PCGF6: variants seen among roughly 807,000 people sequenced by gnomAD.
The protein encoded by PCGF6 is polycomb group RING finger protein 6.
Under a neutral mutation model 45.5 loss-of-function variants are expected in PCGF6, and 24 were observed. The observed-to-expected ratio is 0.53, with a 90% confidence interval of 0.38 to 0.74. The LOEUF (loss-of-function observed/expected upper bound fraction) is 0.74. Among genes scored for constraint, PCGF6 ranks in the 30% least tolerant of loss-of-function variants. The pLI, the probability that PCGF6 is intolerant of heterozygous loss-of-function variation, is 0.00. For missense variants in PCGF6, 356 were observed against 443.2 expected, an observed-to-expected ratio of 0.80 and a Z score of 1.77; for synonymous variants, 152 against 162.1, an observed-to-expected ratio of 0.94 and a Z score of 0.47.
intron 9 of PCGF6, among the ~76,000 whole-genome samples, chr10:103,313,904 T>A (rs2093165887): frequency 6.6e-6 from 1 of 152,218 alleles, no homozygotes; most frequent in Non-Finnish European, 1.5e-5. Flanking sequence ...TAGGAAGTTA[T>A]ATGTCCTTAC....
chr10:103,307,212 GT>G (rs1210527140), intron 9 of PCGF6, among the ~76,000 whole-genome samples: 1 of 152,192 alleles, frequency 6.6e-6, no homozygotes, highest in Non-Finnish European at 1.5e-5. Context: ...AAAGGCTGAG[GT>G]TGGAGTATCA....
At chr10:103,318,092 G>A (rs1004235219) in intron 8 of PCGF6, among the ~76,000 whole-genome samples, 4 of 151,240 alleles carry the variant, frequency 2.6e-5, no homozygotes, top group African/African-American at 7.3e-5. Flanking sequence ...GATGTGTATG[G>A]TCCTAGAACA....
intron 9 of PCGF6, 96 bp from the exon 10 acceptor site, chr10:103,304,057 A>C: frequency 1.1e-6 from 1 of 908,676 alleles, no homozygotes; most frequent in Admixed American, 2.3e-5. Flanking sequence ...TTAATAATCT[A>C]ACACTAAGGT....
intron 8 of PCGF6, among the ~76,000 whole-genome samples, chr10:103,318,035 G>A (rs1486671377): frequency 6.6e-6 from 1 of 151,652 alleles, no homozygotes; most frequent in Non-Finnish European, 1.5e-5. Flanking sequence ...GGGATTACAG[G>A]CATGAGCCAC....
At chr10:103,327,193 G>A (rs1363095218) in intron 7 of PCGF6, among the ~76,000 whole-genome samples, 4 of 152,116 alleles carry the variant, frequency 2.6e-5, no homozygotes, top group Non-Finnish European at 5.9e-5. Flanking sequence ...GCTGAGGCAG[G>A]AGAATCGCTT....
intron 7 of PCGF6, 90 bp from the exon 8 acceptor site, chr10:103,326,722 TAAAGAA>T (rs2093220387): frequency 5.9e-6 from 5 of 853,204 alleles, no homozygotes; most frequent in Non-Finnish European, 8.5e-6. Context: ...GTGTAAACAT[TAAAGAA>T]AATTTTATAG....
intron 3 of PCGF6, chr10:103,348,477 C>T (rs1434071547): frequency 2.1e-5 from 6 of 286,548 alleles, no homozygotes; most frequent in Non-Finnish European, 6.5e-6. Flanking sequence ...GCTGGGATTA[C>T]AGGCATGTGC....
rs889603867 is a variant in PCGF6 at position 103,345,032 on chromosome 10, C to T, written c.774G>A (p.Glu258=). 4 of 1,594,108 alleles carry T rather than the reference C, an allele frequency of 2.5e-6. No homozygotes were observed. In the African/African-American group the frequency reaches 5.4e-5, roughly 21 times the overall value. ...ATTTTTAGGGTACTCACCCAATGAA[C>T]TCCAGTAATAAAGACATATCAAGTT... ...PPELDMSLLL[E]FIGANEGTGH... Residue 258 remains glutamate, a synonymous_variant, in exon 6 of 10, where the codon GAG becomes GAA. Transcript: ENST00000369847.
intron 9 of PCGF6, among the ~76,000 whole-genome samples, chr10:103,311,413 A>T (rs1366385196): frequency 6.7e-6 from 1 of 149,264 alleles, no homozygotes; most frequent in Non-Finnish European, 1.5e-5. Context: ...AAGTGCTGGG[A>T]TTACAGGTGT....
intron 5 of PCGF6, 24 bp downstream of exon 5, chr10:103,347,214 A>C: frequency 6.5e-7 from 1 of 1,544,612 alleles, no homozygotes; most frequent in East Asian, 2.3e-5. Flanking sequence ...CTGTAAGTAC[A>C]TTATAGTATA....
chr10:103,304,282 A>AC (rs943780173), intron 9 of PCGF6, among the ~76,000 whole-genome samples: 1 of 151,420 alleles, frequency 6.6e-6, no homozygotes, highest in Admixed American at 6.6e-5. Context: ...GATTACAGGC[A>AC]CCCGCCACCA....
intron 3 of PCGF6, among the ~76,000 whole-genome samples, chr10:103,347,848 G>A (rs1363535896): frequency 1.3e-5 from 2 of 152,098 alleles, no homozygotes; most frequent in East Asian, 1.9e-4. Context: ...GTGACACCAC[G>A]CCTGGTTAAT....
At chr10:103,346,196 T>TAAA (rs929742522) in intron 5 of PCGF6, among the ~76,000 whole-genome samples, 1 of 128,042 alleles carries the variant, frequency 7.8e-6, no homozygotes. Flanking sequence ...CCATCTCATT[T>TAAA]AAAAAAAAAA....
intron 1 of PCGF6, among the ~76,000 whole-genome samples, chr10:103,349,303 C>T (rs372526847): frequency 6.6e-6 from 1 of 152,018 alleles, no homozygotes. Flanking sequence ...CCGCCAAGGC[C>T]TCCCAAAGTG....
intron 7 of PCGF6, among the ~76,000 whole-genome samples, chr10:103,333,493 C>T (rs552202570): frequency 6.6e-6 from 1 of 152,142 alleles, no homozygotes; most frequent in Non-Finnish European, 1.5e-5. Context: ...ATTTCGGAAT[C>T]TTTAAATCAA....
chr10:103,333,775 A>G, intron 7 of PCGF6, 150 bp downstream of exon 7: 1 of 565,534 alleles, frequency 1.8e-6, no homozygotes, highest in Admixed American at 4.1e-5. Flanking sequence ...TCCCTACTTA[A>G]TAACTTTTAT....
At chr10:103,334,228 A>T (rs980516558) in intron 6 of PCGF6, among the ~76,000 whole-genome samples, 3 of 152,112 alleles carry the variant, frequency 2.0e-5, no homozygotes, top group African/African-American at 7.2e-5. Context: ...ATGAGAATTT[A>T]CTTATTTTTT....
At chr10:103,329,042 G>C (rs2093229957) in intron 7 of PCGF6, among the ~76,000 whole-genome samples, 2 of 140,616 alleles carry the variant, frequency 1.4e-5, no homozygotes, top group South Asian at 4.6e-4. Context: ...ACTGCGCCCG[G>C]CGGATTTTAA....
intron 6 of PCGF6, among the ~76,000 whole-genome samples, chr10:103,334,478 A>G (rs1223071622): frequency 6.6e-6 from 1 of 152,156 alleles, no homozygotes; most frequent in African/African-American, 2.4e-5. Flanking sequence ...ATTCTTAAAT[A>G]TTAGATTCCC....
Sources: gnomAD v4.1 joint callset for allele counts (sites outside exome capture counted in the v4.1 genomes callset) on GRCh38, gnomAD v4.1.1 for gene constraint, MANE v1.5 for transcripts, NCBI Gene and HGNC (gene_info 2026-07-23, HGNC 2026-07-21) for gene names.